Variants in AHI1 observed in about 807,000 individuals in gnomAD.
AHI1 encodes the protein Abelson helper integration site 1.
Under a neutral mutation model 149.3 loss-of-function variants are expected in AHI1, and 123 were observed. That is an observed-to-expected ratio of 0.82 (90% confidence interval 0.71 to 0.96). AHI1 has a LOEUF of 0.96. Among genes scored for constraint, AHI1 ranks in the 40% least tolerant of loss-of-function variants. The probability of loss-of-function intolerance (pLI) is 0.00; values close to 1 mark genes in which losing one functional copy is unlikely to be tolerated. For missense variants in AHI1, 1,439 were observed against 1,422.7 expected (o/e 1.01, Z -0.18); for synonymous variants, 475 against 459.8 (o/e 1.03, Z -0.42).
chr6:135,391,209 T>C (rs1472116597), intron 23 of AHI1, among the ~76,000 whole-genome samples: 1 of 152,126 alleles, frequency 6.6e-6, no homozygotes, highest in Non-Finnish European at 1.5e-5. Context: ...AAAAAATACA[T>C]TTTAGAATCC....
intron 5 of AHI1, among the ~76,000 whole-genome samples, chr6:135,486,050 G>A (rs1794423784): frequency 6.6e-6 from 1 of 152,202 alleles, no homozygotes; most frequent in Admixed American, 6.5e-5. Context: ...GTTAATACAT[G>A]TAAAGCACTT....
In AHI1 at chr6:135,413,349, T is replaced by C. The variant is rs2224568; in HGVS notation, c.2765-1805A>G. ...CATATTTAAGACTTAAATATATAAA[T>C]AAACTACCACAACAAAAATTAAAAA... On this transcript the variant is annotated intron_variant, in intron 20 of 28. Transcript: ENST00000265602. Among the ~76,000 whole-genome samples, 1,449 of 151,986 alleles carry C rather than the reference T, an allele frequency of 9.5e-3. 35 individuals are homozygous for C. The highest frequency in any genetic ancestry group is 0.033 in the African/African-American group (1,386 of 41,448).
At chr6:135,358,285 C>T in intron 23 of AHI1, 98 bp from the exon 24 acceptor site, 1 of 1,012,022 alleles carries the variant, frequency 9.9e-7, no homozygotes, top group Non-Finnish European at 1.5e-6. Flanking sequence ...TTTATTATGA[C>T]TCACACAGCT....
At chr6:135,347,256 A>G (rs1054875146) in intron 24 of AHI1, among the ~76,000 whole-genome samples, 3 of 152,208 alleles carry the variant, frequency 2.0e-5, no homozygotes, top group African/African-American at 7.2e-5. Flanking sequence ...TGAAAGTTAC[A>G]GTTATATTAC....
intron 20 of AHI1, among the ~76,000 whole-genome samples, chr6:135,422,470 C>A (rs1176810718): frequency 6.6e-6 from 1 of 151,402 alleles, no homozygotes; most frequent in Non-Finnish European, 1.5e-5. Context: ...TGTGCTACTG[C>A]ACTCCAGCTT....
Position 135,490,198 on chromosome 6 carries a change from A to G in AHI1, c.135+425T>C, listed in dbSNP as rs1795056179. The G allele has an allele frequency of 8.3e-6, 6 of 725,284 alleles. No individual in the cohort carries two copies. The East Asian group carries it at 1.5e-4, about 19-fold the overall frequency. The allele number at this position is 725,284 out of a possible 1,614,324, so 44.9% of individuals were successfully genotyped here. A position where few individuals can be genotyped will look rare whatever the true frequency, so the allele number is the denominator to read the frequency against. ...CCTCAAACATAAAAGGATAATTATT[A>G]CCATACGGCCATTGATTTCTCCTGG... On this transcript the variant is annotated intron_variant, in intron 5 of 28. Transcript: ENST00000265602.
intron 21 of AHI1, among the ~76,000 whole-genome samples, chr6:135,406,822 G>T (rs1378451380): frequency 3.3e-5 from 5 of 152,156 alleles, no homozygotes; most frequent in African/African-American, 1.2e-4. Flanking sequence ...TATATTATAA[G>T]GTGTATTTTC....
In AHI1 at chr6:135,467,585, T is replaced by C. The variant is rs1477477005; in HGVS notation, c.185A>G (p.Asp62Gly). 43 of 1,608,164 alleles carry C rather than the reference T, an allele frequency of 2.7e-5. No individual in the cohort carries two copies. The highest frequency in any genetic ancestry group is 3.5e-5 in the Non-Finnish European group (41 of 1,175,382). Reference protein sequence around the residue: ...NLHYMKETTSDDPDTIRSNLP... With the variant: ...NLHYMKETTSGDPDTIRSNLP... ...GTTAGTGTTAGCAGTACTTACATCA[T>C]CACTTGTAGTTTCTTTCATATAGTG... The change falls in exon 6 of 29, where the codon GAT (aspartate) becomes GGT (glycine). Residue 62 changes from aspartate to glycine, a missense_variant. Transcript: ENST00000265602.
chr6:135,355,644 T>TA (rs1260115516), intron 24 of AHI1, among the ~76,000 whole-genome samples: 1 of 152,180 alleles, frequency 6.6e-6, no homozygotes, highest in African/African-American at 2.4e-5. Flanking sequence ...CTCATGCCTG[T>TA]AATCCCAGCA....
intron 24 of AHI1, among the ~76,000 whole-genome samples, chr6:135,323,859 C>G (rs753921455): frequency 5.9e-4 from 90 of 152,314 alleles, no homozygotes; most frequent in Admixed American, 3.9e-4. Flanking sequence ...CTTAAGCCTT[C>G]TATCTTTAAA....
intron 27 of AHI1, among the ~76,000 whole-genome samples, chr6:135,295,589 C>T (rs1299349821): frequency 6.6e-6 from 1 of 152,070 alleles, no homozygotes; most frequent in African/African-American, 2.4e-5. Context: ...TTTGTAGTAG[C>T]CGCAAAGTGG....
intron 24 of AHI1, among the ~76,000 whole-genome samples, chr6:135,342,255 A>G (rs761261523): frequency 3.9e-5 from 6 of 151,952 alleles, no homozygotes; most frequent in Non-Finnish European, 7.4e-5. Context: ...AAGAAGAGAG[A>G]AAATGTGAAT....
chr6:135,454,347 CAT>C (rs1384034653), intron 10 of AHI1, among the ~76,000 whole-genome samples: 1 of 152,060 alleles, frequency 6.6e-6, no homozygotes, highest in Non-Finnish European at 1.5e-5. Flanking sequence ...AATACATACA[CAT>C]GAATACCGTA....
intron 20 of AHI1, among the ~76,000 whole-genome samples, chr6:135,415,386 C>T (rs994395197): frequency 6.6e-6 from 1 of 152,088 alleles, no homozygotes; most frequent in African/African-American, 2.4e-5. Context: ...GAGGAATTGC[C>T]ACACTGACTT....
intron 4 of AHI1, among the ~76,000 whole-genome samples, chr6:135,491,363 C>G (rs1562295883): frequency 6.6e-6 from 1 of 152,052 alleles, no homozygotes; most frequent in Non-Finnish European, 1.5e-5. Context: ...GCTATAATAC[C>G]CTTCCTTTAG....
chr6:135,469,894 ACACAGG>A (rs1791418684), intron 5 of AHI1, among the ~76,000 whole-genome samples: 1 of 152,232 alleles, frequency 6.6e-6, no homozygotes, highest in South Asian at 2.1e-4. Flanking sequence ...ACCATTCAGG[ACACAGG>A]CACAGGCAAA....
intron 9 of AHI1, among the ~76,000 whole-genome samples, chr6:135,456,149 ATTT>A (rs886175018): frequency 6.6e-6 from 1 of 152,228 alleles, no homozygotes; most frequent in African/African-American, 2.4e-5. Context: ...TCACATGATT[ATTT>A]TATTATAGAA....
chr6:135,418,341 A>T (rs1259765193), intron 20 of AHI1, among the ~76,000 whole-genome samples: 2 of 152,126 alleles, frequency 1.3e-5, no homozygotes, highest in Non-Finnish European at 2.9e-5. Context: ...GAAATGTTAT[A>T]TCCATCAAAA....
At chr6:135,414,818 TTTA>T (rs1282211178) in intron 20 of AHI1, among the ~76,000 whole-genome samples, 6 of 151,756 alleles carry the variant, frequency 4.0e-5, no homozygotes, top group Non-Finnish European at 5.9e-5. Context: ...TTATTTTTAT[TTTA>T]TTATTATTAT....
Sources: gnomAD v4.1 joint callset for allele counts (sites outside exome capture counted in the v4.1 genomes callset) on GRCh38, gnomAD v4.1.1 for gene constraint, MANE v1.5 for transcripts, NCBI Gene and HGNC (gene_info 2026-07-23, HGNC 2026-07-21) for gene names.